Variants in WWOX observed in about 807,000 individuals in gnomAD.
The protein encoded by WWOX is WW domain containing oxidoreductase.
A neutral mutation model predicts 46.2 loss-of-function variants in WWOX; 69 were observed. That is an observed-to-expected ratio of 1.49 (90% confidence interval 1.23 to 1.82). WWOX has a LOEUF of 1.82. WWOX is among the 40% of genes most tolerant of loss of function. The pLI is 0.00. For synonymous variants in WWOX, 359 were observed against 202.6 expected, an observed-to-expected ratio of 1.77 and a Z score of -6.56; for missense variants, 919 against 542.6, an observed-to-expected ratio of 1.69 and a Z score of -6.89.
At chr16:78,924,949 C>G (rs983492622) in intron 8 of WWOX, among the ~76,000 whole-genome samples, 2 of 152,162 alleles carry the variant, frequency 1.3e-5, no homozygotes, top group Admixed American at 6.5e-5. Context: ...AATTCCAGCA[C>G]TTTGGGGGGC....
intron 8 of WWOX, among the ~76,000 whole-genome samples, chr16:78,445,998 A>C (rs2083552442): frequency 6.6e-6 from 1 of 152,204 alleles, no homozygotes; most frequent in African/African-American, 2.4e-5. Flanking sequence ...TGAAATAGTC[A>C]AATGCGTAGC....
chr16:78,720,727 C>T (rs2048669410), intron 8 of WWOX, among the ~76,000 whole-genome samples: 1 of 152,042 alleles, frequency 6.6e-6, no homozygotes, highest in Admixed American at 6.6e-5. Flanking sequence ...TATAAATTTC[C>T]ACCGGTCTCT....
chr16:79,122,837 A>G (rs1443710798), intron 8 of WWOX, among the ~76,000 whole-genome samples: 1 of 152,144 alleles, frequency 6.6e-6, no homozygotes, highest in Admixed American at 6.5e-5. Context: ...ATACATCTTC[A>G]TATGCCCATT....
rs2049085182 is a variant in WWOX, at chr16:78,736,085, A to G, written c.1056+303333A>G. ...TCGGCTTCGCTTGCTTTATCAAGGG[A>G]ATGTTCTTGGGACAAATGTGTGACA... On this transcript the variant is annotated intron_variant, in intron 8 of 8. Transcript: ENST00000566780. Among the ~76,000 whole-genome samples the G allele has an allele frequency of 1.3e-5, 2 of 152,114 alleles. 1 individual carries two copies. The highest frequency in any genetic ancestry group is 4.1e-4 in the South Asian group (2 of 4,824).
chr16:79,146,774 G>A (rs1372110206), intron 8 of WWOX, among the ~76,000 whole-genome samples: 3 of 152,114 alleles, frequency 2.0e-5, no homozygotes, highest in Non-Finnish European at 4.4e-5. Flanking sequence ...TCTAGGAAGC[G>A]AAGACTACTG....
intron 8 of WWOX, among the ~76,000 whole-genome samples, chr16:78,952,360 C>T (rs970074628): frequency 6.6e-6 from 1 of 150,750 alleles, no homozygotes; most frequent in Non-Finnish European, 1.5e-5. Context: ...TGCAGTTTTA[C>T]ATTTTTGTTT....
chr16:78,137,803 T>C (rs532836965), intron 4 of WWOX, among the ~76,000 whole-genome samples: 1 of 131,250 alleles, frequency 7.6e-6, no homozygotes, highest in Admixed American at 7.2e-5. Flanking sequence ...ATAATAAAAG[T>C]TTTTTGCAAA....
At chr16:78,412,028 C>T (rs1054616305) in intron 6 of WWOX, among the ~76,000 whole-genome samples, 18 of 152,102 alleles carry the variant, frequency 1.2e-4, no homozygotes. Context: ...TGATGACTTC[C>T]CAGATGTGAG....
intron 6 of WWOX, among the ~76,000 whole-genome samples, chr16:78,390,092 A>G (rs1021430993): frequency 2.6e-5 from 4 of 152,176 alleles, no homozygotes; most frequent in African/African-American, 9.7e-5. Context: ...AATGTGAGTG[A>G]CTTTCGCAGG....
chr16:78,818,489 G>C (rs1485182882), intron 8 of WWOX, among the ~76,000 whole-genome samples: 1 of 152,188 alleles, frequency 6.6e-6, no homozygotes, highest in East Asian at 1.9e-4. Flanking sequence ...CCAGCACTTC[G>C]GGAGGCCACG....
intron 8 of WWOX, among the ~76,000 whole-genome samples, chr16:78,445,104 G>GT (rs1342707346): frequency 1.3e-5 from 2 of 152,132 alleles, no homozygotes; most frequent in African/African-American, 2.4e-5. Context: ...CTTTCTGGAC[G>GT]TACCACCTCG....
intron 8 of WWOX, among the ~76,000 whole-genome samples, chr16:78,874,684 C>CTTTTTTTTT (rs552696627): frequency 2.0e-4 from 17 of 83,486 alleles, no homozygotes; most frequent in East Asian, 4.1e-4. Context: ...AGATTTTTTT[C>CTTTTTTTTT]TTTTTTTTTT....
intron 6 of WWOX, among the ~76,000 whole-genome samples, chr16:78,388,995 G>C (rs1392836638): frequency 6.6e-6 from 1 of 150,970 alleles, no homozygotes; most frequent in South Asian, 2.1e-4. Context: ...AATTGACTCA[G>C]GCTCTTGCTG....
chr16:78,133,195 T>G (rs2033663815), intron 4 of WWOX, among the ~76,000 whole-genome samples: 1 of 152,222 alleles, frequency 6.6e-6, no homozygotes, highest in Non-Finnish European at 1.5e-5. Flanking sequence ...CAAAGGATGC[T>G]TTTTAAAAAA....
At chr16:79,026,679 G>A (rs952700859) in intron 8 of WWOX, among the ~76,000 whole-genome samples, 4 of 144,090 alleles carry the variant, frequency 2.8e-5, no homozygotes, top group African/African-American at 5.3e-5. Flanking sequence ...GTGCAGTGGC[G>A]CGATCTCAGC....
intron 8 of WWOX, among the ~76,000 whole-genome samples, chr16:78,720,490 A>G (rs2048664003): frequency 6.8e-6 from 1 of 147,368 alleles, no homozygotes; most frequent in Non-Finnish European, 1.5e-5. Flanking sequence ...TTTTTATGAC[A>G]CTTTTCTTCT....
intron 5 of WWOX, among the ~76,000 whole-genome samples, chr16:78,229,370 AT>A (rs1026022139): frequency 2.0e-5 from 3 of 151,114 alleles, no homozygotes; most frequent in African/African-American, 7.2e-5. Context: ...AATATTTTCC[AT>A]TCTTTTTAAC....
At chr16:78,354,921 G>A (rs1034855333) in intron 5 of WWOX, among the ~76,000 whole-genome samples, 1 of 152,066 alleles carries the variant, frequency 6.6e-6, no homozygotes, top group Non-Finnish European at 1.5e-5. Flanking sequence ...ACCACCTGAG[G>A]TCAGGAATTC....
At position 79,041,023 on chromosome 16, in the gene WWOX, T is replaced by C. The variant is rs538229133; in HGVS notation, c.1057-170585T>C. 3.0e-4 allele frequency among the ~76,000 whole-genome samples: 45 copies of C among 151,864 alleles called. 1 individual carries two copies. Among genetic ancestry groups the C allele is most frequent in the African/African-American group, 1.1e-3 (44 of 41,376 alleles). ...AGACAAGTGCATCAGACAAGTGCAT[T>C]TCACCGTTCTGAGCTTCAGTCTCTT... On this transcript the variant is annotated intron_variant, in intron 8 of 8. Coordinates refer to ENST00000566780, the MANE Select transcript of WWOX (RefSeq NM_016373.4).
Sources: gnomAD v4.1 joint callset for allele counts (sites outside exome capture counted in the v4.1 genomes callset) on GRCh38, gnomAD v4.1.1 for gene constraint, MANE v1.5 for transcripts, NCBI Gene and HGNC (gene_info 2026-07-23, HGNC 2026-07-21) for gene names.